LAMA1: variants seen among roughly 807,000 people sequenced by gnomAD.
LAMA1 encodes the protein laminin subunit alpha 1.
LAMA1 carries 219 observed loss-of-function variants against 348.7 expected under a neutral mutation model. That is an observed-to-expected ratio of 0.63 (90% confidence interval 0.56 to 0.70). The LOEUF (loss-of-function observed/expected upper bound fraction) is 0.70. Ranked by LOEUF, LAMA1 falls within the 30% of genes least tolerant of loss-of-function variation. The pLI is 0.00. For synonymous variants in LAMA1, 1,487 were observed against 1,491.0 expected (o/e 1.00, Z 0.06); for missense variants, 3,744 against 3,888.0 (o/e 0.96, Z 0.99).
intron 53 of LAMA1, among the ~76,000 whole-genome samples, chr18:6,961,074 C>T (rs1269858394): frequency 6.6e-6 from 1 of 152,198 alleles, no homozygotes; most frequent in East Asian, 1.9e-4. Context: ...ATCACCTATG[C>T]TCTTGAAAAG....
At chr18:7,035,005 AAAGTACAGAAGTAGAAAAAGTATG>A in intron 13 of LAMA1, among the ~76,000 whole-genome samples, 1 of 152,244 alleles carries the variant, frequency 6.6e-6, no homozygotes, top group Non-Finnish European at 1.5e-5. Flanking sequence ...ATCTTTAACT[AAAGTACAGAAGTAGAAAAAGTATG>A]TAAACATAGC....
intron 3 of LAMA1, among the ~76,000 whole-genome samples, chr18:7,072,003 T>C (rs1480981392): frequency 6.6e-6 from 1 of 152,242 alleles, no homozygotes; most frequent in African/African-American, 2.4e-5. Context: ...AATGACAAAG[T>C]AAATATCCCA....
chr18:6,999,731 G>C (rs2144091825), intron 31 of LAMA1, 93 bp from the exon 32 acceptor site: 1 of 1,265,122 alleles, frequency 7.9e-7, no homozygotes, highest in East Asian at 2.5e-5. Flanking sequence ...GAAATGCAAA[G>C]CACAGATCCA....
chr18:6,960,611 A>G (rs1159387224), intron 53 of LAMA1: 1 of 151,226 alleles, frequency 6.6e-6, no homozygotes, highest in Non-Finnish European at 1.5e-5. Context: ...TGAATGCACT[A>G]AACGCTGCTG....
chr18:7,039,951 C>T (rs1407828316), intron 10 of LAMA1, 125 bp downstream of exon 10: 9 of 1,062,530 alleles, frequency 8.5e-6, no homozygotes, highest in South Asian at 8.1e-5. Flanking sequence ...AGAGAAGGGG[C>T]AAGGGGAGTT....
intron 56 of LAMA1, chr18:6,955,787 C>T (rs910729447): frequency 7.3e-6 from 3 of 410,704 alleles, no homozygotes; most frequent in African/African-American, 4.1e-5. Flanking sequence ...CCTAGGCCCC[C>T]GCCGTGACCC....
At chr18:7,028,339 ACAGT>A (rs1355229188) in intron 16 of LAMA1, among the ~76,000 whole-genome samples, 1 of 152,228 alleles carries the variant, frequency 6.6e-6, no homozygotes, top group East Asian at 1.9e-4. Flanking sequence ...ACACCAAGGC[ACAGT>A]CAAAGTGTTC....
intron 3 of LAMA1, among the ~76,000 whole-genome samples, chr18:7,074,706 A>G (rs756334028): frequency 6.6e-6 from 1 of 152,238 alleles, no homozygotes; most frequent in Admixed American, 6.5e-5. Flanking sequence ...ATTCCTATGA[A>G]TTTTTTAAAA....
intron 1 of LAMA1, among the ~76,000 whole-genome samples, chr18:7,085,612 G>A (rs1598312199): frequency 6.6e-6 from 1 of 151,650 alleles, no homozygotes; most frequent in African/African-American, 2.4e-5. Flanking sequence ...TAGAGATGGG[G>A]TTTCACCACG....
chr18:7,051,013 T>C, intron 3 of LAMA1, 77 bp from the exon 4 acceptor site: 1 of 1,554,446 alleles, frequency 6.4e-7, no homozygotes, highest in Non-Finnish European at 8.8e-7. Flanking sequence ...CTGCATGATC[T>C]AACTTAAAGG....
chr18:7,111,335 C>A (rs1227464720), intron 1 of LAMA1, among the ~76,000 whole-genome samples: 1 of 152,188 alleles, frequency 6.6e-6, no homozygotes, highest in Non-Finnish European at 1.5e-5. Flanking sequence ...AGAATGTTAT[C>A]TACCCAAGCT....
At chr18:7,043,180 C>A in intron 8 of LAMA1, 47 bp downstream of exon 8, 1 of 1,595,344 alleles carries the variant, frequency 6.3e-7, no homozygotes, top group Non-Finnish European at 8.6e-7. Flanking sequence ...CTCTTTTCCA[C>A]CTGGGGAAGA....
intron 3 of LAMA1, among the ~76,000 whole-genome samples, chr18:7,067,453 C>T (rs1457553858): frequency 1.4e-5 from 2 of 139,844 alleles, no homozygotes; most frequent in Non-Finnish European, 3.0e-5. Context: ...ATCTCACAGG[C>T]AAAACTCTTC....
Position 6,955,455 on chromosome 18 carries a change from A to T in LAMA1, c.8105T>A (p.Val2702Glu). 2.5e-6 allele frequency: 4 copies of T among 1,613,892 alleles called. No homozygotes were observed. Among genetic ancestry groups the T allele is most frequent in the Non-Finnish European group, 3.4e-6 (4 of 1,179,776 alleles). The change falls in exon 57 of 63, where the codon GTG becomes GAG. Residue 2702 changes from valine to glutamate, a missense_variant. Transcript: ENST00000389658. Reference protein sequence around the residue: ...PEPRAFPEQCVVDAALEYVPG... With the variant: ...PEPRAFPEQCEVDAALEYVPG... The stretch of plus-strand genomic sequence containing the variant: ...AACGTACTCCAGAGCTGCATCCACC[A>T]CACACTGTTCCTGTAAGAGACACAC...
chr18:7,080,850 AAAAT>A (rs754303764), intron 1 of LAMA1, among the ~76,000 whole-genome samples: 5 of 152,144 alleles, frequency 3.3e-5, no homozygotes, highest in African/African-American at 4.8e-5. Flanking sequence ...TTCTACCTCA[AAAAT>A]AAATAAATAA....
chr18:7,084,074 GAAAAAAAAAAAA>G (rs35419107), intron 1 of LAMA1, among the ~76,000 whole-genome samples: 9 of 49,706 alleles, frequency 1.8e-4, no homozygotes, highest in Non-Finnish European at 2.6e-4. Flanking sequence ...TTCTGTCTCA[GAAAAAAAAAAAA>G]AAAAAAAAAA....
intron 3 of LAMA1, among the ~76,000 whole-genome samples, chr18:7,075,695 T>C (rs2058165004): frequency 6.6e-6 from 1 of 152,028 alleles, no homozygotes; most frequent in Non-Finnish European, 1.5e-5. Context: ...TCCAGCACTT[T>C]GGGAGGCCGA....
intron 3 of LAMA1, among the ~76,000 whole-genome samples, chr18:7,067,840 C>T (rs149251126): frequency 2.0e-5 from 3 of 150,764 alleles, no homozygotes; most frequent in African/African-American, 5.0e-5. Context: ...TCCCTTCCTC[C>T]GGTGGGTCCT....
At chr18:7,025,789 T>A (rs1269160178) in intron 17 of LAMA1, among the ~76,000 whole-genome samples, 190 bp downstream of exon 17, 1 of 152,234 alleles carries the variant, frequency 6.6e-6, no homozygotes, top group Non-Finnish European at 1.5e-5. Flanking sequence ...TCTTCTTGCC[T>A]GCTTTCATAA....
Sources: allele counts gnomAD v4.1 joint callset (sites outside exome capture counted in the v4.1 genomes callset), GRCh38; gene constraint gnomAD v4.1.1; transcripts MANE v1.5; gene names NCBI Gene and HGNC (gene_info 2026-07-23, HGNC 2026-07-21).